STPG2: variants seen among roughly 807,000 people sequenced by gnomAD.
STPG2 encodes sperm-tail PG-rich repeat-containing protein 2.
Under a neutral mutation model 54.2 loss-of-function variants are expected in STPG2, and 56 were observed. That is an observed-to-expected ratio of 1.03 (90% CI 0.83 to 1.29). The LOEUF (loss-of-function observed/expected upper bound fraction) is 1.29. Among genes scored for constraint, STPG2 ranks in the 50% most tolerant of loss-of-function variants. The pLI is 0.00. For synonymous variants in STPG2, 200 were observed against 181.8 expected, an observed-to-expected ratio of 1.10 and a Z score of -0.81; for missense variants, 596 against 544.9, an observed-to-expected ratio of 1.09 and a Z score of -0.93.
At chr4:98,099,892 G>C (rs753801552) in intron 5 of STPG2, among the ~76,000 whole-genome samples, 7 of 151,994 alleles carry the variant, frequency 4.6e-5, no homozygotes, top group Admixed American at 1.3e-4. Context: ...ATAACTACAA[G>C]AGTATAATTG....
intron 1 of STPG2, among the ~76,000 whole-genome samples, chr4:98,141,587 G>T (rs958350006): frequency 2.0e-5 from 3 of 152,128 alleles, no homozygotes; most frequent in African/African-American, 7.2e-5. Flanking sequence ...ACTTTGAGTT[G>T]TCCCGCCTTT....
intron 5 of STPG2, among the ~76,000 whole-genome samples, chr4:98,057,812 C>T (rs1737525367): frequency 6.6e-6 from 1 of 152,134 alleles, no homozygotes; most frequent in East Asian, 1.9e-4. Context: ...AGAGAAAAGT[C>T]AGGTCATCTA....
chr4:97,945,326 C>T (rs1009857470), intron 7 of STPG2, among the ~76,000 whole-genome samples: 9 of 152,094 alleles, frequency 5.9e-5, no homozygotes, highest in African/African-American at 2.4e-5. Context: ...TTTTTCATTC[C>T]TGAGCTAGTT....
chr4:98,128,632 G>C lies in STPG2; in HGVS notation c.223-40C>G, dbSNP rs747869298. The C allele has an allele frequency of 5.5e-6, 8 of 1,454,930 alleles. No homozygotes were observed. The Admixed American group carries it at 1.9e-4, about 34-fold the overall frequency. 90.1% of individuals were successfully genotyped at this position (1,454,930 alleles called of 1,614,324 possible). ...TTTTATATTATTTATTCCAAGGCAA[G>C]AGGAAGGGGAATGAAGAACCAAATA... On this transcript the variant is annotated intron_variant, in intron 2 of 10. Transcript: ENST00000295268.
At chr4:97,763,102 G>A (rs1402689358) in intron 9 of STPG2, among the ~76,000 whole-genome samples, 1 of 152,088 alleles carries the variant, frequency 6.6e-6, no homozygotes, top group East Asian at 1.9e-4. Context: ...AATTCTCAGT[G>A]GGTACTATGT....
intron 9 of STPG2, among the ~76,000 whole-genome samples, chr4:97,786,664 A>G (rs1382711069): frequency 6.6e-6 from 1 of 152,114 alleles, no homozygotes; most frequent in African/African-American, 2.4e-5. Flanking sequence ...ATCCTGCTCC[A>G]TTCCAGGGTA....
chr4:97,474,383 G>GT (rs1730020822), intron 4 of STPG2, among the ~76,000 whole-genome samples: 1 of 152,174 alleles, frequency 6.6e-6, no homozygotes, highest in Non-Finnish European at 1.5e-5. Context: ...AATGATGGAG[G>GT]TTGGGGGGTG....
chr4:97,967,917 A>G (rs906224766), intron 7 of STPG2, among the ~76,000 whole-genome samples: 5 of 152,192 alleles, frequency 3.3e-5, no homozygotes, highest in African/African-American at 7.2e-5. Context: ...GAAAAGATCT[A>G]AAATCAACAC....
At chr4:97,926,463 T>A (rs116103538) in intron 8 of STPG2, among the ~76,000 whole-genome samples, 1 of 152,148 alleles carries the variant, frequency 6.6e-6, no homozygotes, top group Non-Finnish European at 1.5e-5. Context: ...ATAGAAATGC[T>A]TTTATATCTC....
intron 9 of STPG2, among the ~76,000 whole-genome samples, chr4:97,823,862 C>T (rs1004753480): frequency 6.6e-6 from 1 of 152,102 alleles, no homozygotes; most frequent in Admixed American, 6.6e-5. Flanking sequence ...GAGTTAAAGG[C>T]CCCTCTTACT....
chr4:97,727,438 G>A (rs1724659759), intron 9 of STPG2, among the ~76,000 whole-genome samples: 1 of 151,822 alleles, frequency 6.6e-6, no homozygotes, highest in Non-Finnish European at 1.5e-5. Flanking sequence ...AACAGGTAAA[G>A]ATGACAACGT....
chr4:97,471,811 G>GA (rs991854684), intron 4 of STPG2, among the ~76,000 whole-genome samples: 5 of 152,144 alleles, frequency 3.3e-5, no homozygotes, highest in Non-Finnish European at 5.9e-5. Context: ...AATGGAATTT[G>GA]AAAAAAACAT....
intron 10 of STPG2, among the ~76,000 whole-genome samples, chr4:97,606,448 G>A (rs1003232971): frequency 6.6e-6 from 1 of 151,848 alleles, no homozygotes; most frequent in Non-Finnish European, 1.5e-5. Flanking sequence ...TACAGAAAGT[G>A]TAAAAATATT....
chr4:97,836,413 G>A (rs1469385265), intron 9 of STPG2, among the ~76,000 whole-genome samples: 2 of 151,814 alleles, frequency 1.3e-5, no homozygotes, highest in East Asian at 3.9e-4. Flanking sequence ...CATTTACGTT[G>A]TTTTATTCAG....
At chr4:98,125,626 G>T (rs901809065) in intron 3 of STPG2, among the ~76,000 whole-genome samples, 1 of 152,170 alleles carries the variant, frequency 6.6e-6, no homozygotes, top group African/African-American at 2.4e-5. Context: ...CCTATTGGAA[G>T]GTCTCACCCA....
At chr4:98,052,804 TGTATAGTATGTCTATATACTCATAAATAA>T (rs916010227) in intron 5 of STPG2, among the ~76,000 whole-genome samples, 1 of 152,196 alleles carries the variant, frequency 6.6e-6, no homozygotes, top group African/African-American at 2.4e-5. Context: ...GAGAAGAATC[TGTATAGTATGTCTATATACTCATAAATAA>T]GTACCACCTA....
intron 9 of STPG2, among the ~76,000 whole-genome samples, chr4:97,743,167 G>C (rs775248795): frequency 2.0e-5 from 3 of 151,740 alleles, no homozygotes; most frequent in Non-Finnish European, 4.4e-5. Context: ...ATACATCACA[G>C]AGTGTCAAGA....
At chr4:97,863,968 A>G (rs1396495104) in intron 8 of STPG2, among the ~76,000 whole-genome samples, 1 of 152,240 alleles carries the variant, frequency 6.6e-6, no homozygotes, top group African/African-American at 2.4e-5. Context: ...AGAGCTATTT[A>G]TGACAAACCC....
intron 8 of STPG2, among the ~76,000 whole-genome samples, chr4:97,891,713 T>G (rs1341743216): frequency 6.6e-6 from 1 of 152,106 alleles, no homozygotes; most frequent in Admixed American, 6.6e-5. Flanking sequence ...TGTAAAACTT[T>G]GCATGCACTG....
Sources: allele counts gnomAD v4.1 joint callset (sites outside exome capture counted in the v4.1 genomes callset), GRCh38; gene constraint gnomAD v4.1.1; transcripts MANE v1.5; gene names NCBI Gene and HGNC (gene_info 2026-07-23, HGNC 2026-07-21).